Variants in DHRS7B observed in about 807,000 individuals in gnomAD.
DHRS7B encodes the protein dehydrogenase/reductase 7B.
A neutral mutation model predicts 26.4 loss-of-function variants in DHRS7B; 24 were observed. The observed-to-expected ratio is 0.91, with a 90% confidence interval of 0.66 to 1.28. DHRS7B has a LOEUF of 1.28. Ranked by LOEUF, DHRS7B falls within the 50% of genes most tolerant of loss-of-function variation. The pLI, the probability that DHRS7B is intolerant of heterozygous loss-of-function variation, is 0.00. For missense variants in DHRS7B, 368 were observed against 419.4 expected, an observed-to-expected ratio of 0.88 and a Z score of 1.07; for synonymous variants, 142 against 166.4, an observed-to-expected ratio of 0.85 and a Z score of 1.13.
rs746576216 is a variant in DHRS7B, at chr17:21,172,160, G to A, written c.163G>A (p.Val55Met). The A allele has an allele frequency of 1.9e-6, 3 of 1,613,870 alleles. No individual in the cohort carries two copies. The highest frequency in any genetic ancestry group is 2.2e-5 in the South Asian group (2 of 91,046). The part of the protein sequence containing the change: ...RGKAYLRNAV[V>M]VITGATSGLG... Reference sequence around the variant, plus strand: ...GAAGGCCTACCTGCGGAATGCTGTGGTGGTGATCACAGGCGCCACCTCAGG... The same window carrying A: ...GAAGGCCTACCTGCGGAATGCTGTGATGGTGATCACAGGCGCCACCTCAGG... Residue 55 changes from valine to methionine, a missense_variant, in exon 2 of 7, where the codon GTG becomes ATG. Transcript: ENST00000395511.
In DHRS7B at chr17:21,191,257, A is replaced by C; in HGVS notation, c.*104A>C. 8 of 1,235,052 alleles carry C rather than the reference A, an allele frequency of 6.5e-6. No homozygotes were observed. The highest frequency in any genetic ancestry group is 9.2e-6 in the Non-Finnish European group (8 of 869,658). 76.5% of individuals were successfully genotyped at this position (1,235,052 alleles called of 1,614,324 possible). On this transcript the variant is annotated 3_prime_UTR_variant, in exon 7 of 7. Coordinates refer to ENST00000395511, the MANE Select transcript of DHRS7B (RefSeq NM_015510.5). The stretch of plus-strand genomic sequence containing the variant: ...TGAGACTTTAATGGAGATTTGTCTC[A>C]CAAGTGGGAAAGACTGAAGAAACAC...
At chr17:21,187,909 C>T (rs906562733) in intron 5 of DHRS7B, among the ~76,000 whole-genome samples, 3 of 151,720 alleles carry the variant, frequency 2.0e-5, no homozygotes, top group East Asian at 1.9e-4. Context: ...AGTGCAGTGG[C>T]GCGATCTCCG....
chr17:21,140,107 C>A (rs1483606667), intron 1 of DHRS7B, among the ~76,000 whole-genome samples: 1 of 145,394 alleles, frequency 6.9e-6, no homozygotes, highest in East Asian at 2.1e-4. Context: ...TCACTGCAAG[C>A]TCCGCCCCCT....
At chr17:21,187,023 A>G (rs1379074707) in intron 5 of DHRS7B, among the ~76,000 whole-genome samples, 2 of 151,840 alleles carry the variant, frequency 1.3e-5, no homozygotes, top group South Asian at 2.1e-4. Context: ...GAGCTGTCCA[A>G]CCTGCCACCA....
intron 1 of DHRS7B, among the ~76,000 whole-genome samples, chr17:21,154,967 T>TA (rs921371663): frequency 1.3e-5 from 2 of 151,894 alleles, no homozygotes; most frequent in Non-Finnish European, 2.9e-5. Flanking sequence ...AAAGTTTTTT[T>TA]AAAAAAAGAA....
chr17:21,139,701 A>G (rs1294375872), intron 1 of DHRS7B, among the ~76,000 whole-genome samples: 1 of 152,052 alleles, frequency 6.6e-6, no homozygotes, highest in African/African-American at 2.4e-5. Context: ...TAAATAAAAG[A>G]AATTGCTTGA....
At chr17:21,162,715 C>T (rs1198576703) in intron 1 of DHRS7B, among the ~76,000 whole-genome samples, 1 of 152,096 alleles carries the variant, frequency 6.6e-6, no homozygotes, top group African/African-American at 2.4e-5. Context: ...AGATGGTGCC[C>T]AAGCAGGACT....
chr17:21,186,083 A>G (rs1212567698), intron 5 of DHRS7B, among the ~76,000 whole-genome samples: 1 of 152,242 alleles, frequency 6.6e-6, no homozygotes, highest in African/African-American at 2.4e-5. Context: ...AGTAAGGCAT[A>G]CAATGGTTGG....
chr17:21,131,285 A>G (rs572169960), intron 1 of DHRS7B, among the ~76,000 whole-genome samples: 1 of 152,336 alleles, frequency 6.6e-6, no homozygotes, highest in South Asian at 2.1e-4. Context: ...TATATGCTAA[A>G]GAAGGGGTGG....
rs571131112 is a variant in DHRS7B, at chr17:21,127,040, G to T, written c.20+49G>T. 4.1e-6 allele frequency: 6 copies of T among 1,470,450 alleles called. No homozygotes were observed. The Admixed American group carries it at 9.1e-5, about 22-fold the overall frequency. The allele number at this position is 1,470,450 out of a possible 1,614,324, so 91.1% of individuals were successfully genotyped here. A position where few individuals can be genotyped will look rare whatever the true frequency, so the allele number is the denominator to read the frequency against. On this transcript the variant is annotated intron_variant, in intron 1 of 6. Coordinates refer to ENST00000395511, the MANE Select transcript of DHRS7B (RefSeq NM_015510.5). ...CTCCGAGATGAGGCGATAGGGTCTG[G>T]CCTTGAGCTGAGGCGACGCCCCGGC... is the stretch of plus-strand genomic sequence containing the variant.
intron 1 of DHRS7B, among the ~76,000 whole-genome samples, chr17:21,145,812 T>A (rs906347007): frequency 6.6e-6 from 1 of 152,204 alleles, no homozygotes; most frequent in African/African-American, 2.4e-5. Context: ...TCTGAGCATG[T>A]TTAAGTTAGG....
intron 2 of DHRS7B, among the ~76,000 whole-genome samples, chr17:21,177,977 A>C (rs1410617045): frequency 1.3e-5 from 2 of 152,242 alleles, no homozygotes; most frequent in Non-Finnish European, 2.9e-5. Flanking sequence ...GAACAGGAAC[A>C]TCATGGGGTG....
chr17:21,168,908 T>C (rs1371213294), intron 1 of DHRS7B: 3 of 985,352 alleles, frequency 3.0e-6, no homozygotes, highest in Non-Finnish European at 3.6e-6. Context: ...TAGTTTTCGC[T>C]CTTTTCTTCA....
intron 1 of DHRS7B, among the ~76,000 whole-genome samples, chr17:21,154,140 T>A (rs1377593018): frequency 6.6e-6 from 1 of 151,958 alleles, no homozygotes; most frequent in Non-Finnish European, 1.5e-5. Context: ...TGAAACCCTG[T>A]CTCTACTAAT....
At chr17:21,141,189 C>A (rs1278660125) in intron 1 of DHRS7B, among the ~76,000 whole-genome samples, 1 of 152,114 alleles carries the variant, frequency 6.6e-6, no homozygotes, top group African/African-American at 2.4e-5. Context: ...AACTTAACCC[C>A]CAGACACCCC....
At chr17:21,129,325 A>G (rs1226739860) in intron 1 of DHRS7B, among the ~76,000 whole-genome samples, 1 of 152,018 alleles carries the variant, frequency 6.6e-6, no homozygotes, top group Admixed American at 6.6e-5. Context: ...ACTGAGTTGG[A>G]GTTAAATTGG....
Position 21,188,711 on chromosome 17 carries a change from A to C in DHRS7B, c.620A>C (p.Tyr207Ser). The C allele has an allele frequency of 6.3e-7, 1 of 1,590,052 alleles. No individual in the cohort carries two copies. The highest frequency in any genetic ancestry group is 8.6e-7 in the Non-Finnish European group (1 of 1,168,202). ...CCTGCCTCTCCGTCCACATGTGTAG[A>C]TGCAGCCTCCAAGCACGCAACCCAG... The part of the protein sequence containing the change: ...GKMSIPFRSA[Y>S]AASKHATQAF... The change falls in exon 6 of 7, where the codon TAT becomes TCT. Residue 207 changes from tyrosine (Y) to serine (S), a missense_variant and splice_region_variant. Transcript: ENST00000395511.
At chr17:21,138,133 T>A (rs58985042) in intron 1 of DHRS7B, among the ~76,000 whole-genome samples, 5 of 63,842 alleles carry the variant, frequency 7.8e-5, no homozygotes, top group African/African-American at 2.9e-4. Context: ...CACACACACA[T>A]ATATTTATTG....
At position 21,172,181 on chromosome 17, in the gene DHRS7B, T is replaced by G. The variant is rs1974269630; in HGVS notation, c.184T>G (p.Ser62Ala). 3 of 1,612,638 alleles carry G rather than the reference T, an allele frequency of 1.9e-6. No individual in the cohort carries two copies. Among genetic ancestry groups the G allele is most frequent in the Non-Finnish European group, 2.5e-6 (3 of 1,179,408 alleles). Residue 62 changes from serine to alanine, a missense_variant, in exon 2 of 7, where the codon TCA becomes GCA. Physicochemically the swap from Ser to Ala is moderately conservative, Grantham distance 99 (BLOSUM62 1). Transcript: ENST00000395511. ...TGTGGTGGTGATCACAGGCGCCACC[T>G]CAGGGCTGGGCAAAGGTGGGTCCTG... ...NAVVVITGAT[S>A]GLGKECAKVF...
Sources: gnomAD v4.1 joint callset for allele counts (sites outside exome capture counted in the v4.1 genomes callset) on GRCh38, gnomAD v4.1.1 for gene constraint, MANE v1.5 for transcripts, NCBI Gene and HGNC (gene_info 2026-07-23, HGNC 2026-07-21) for gene names.